The following NPHP4 variants were observed in gnomAD, a reference collection of about 807,000 sequenced individuals.
NPHP4 encodes the protein nephrocystin 4.
A neutral mutation model predicts 155.8 loss-of-function variants in NPHP4; 151 were observed. That is an observed-to-expected ratio of 0.97 (90% CI 0.85 to 1.11). NPHP4 has a LOEUF of 1.11. Ranked by LOEUF, NPHP4 falls within the 50% of genes least tolerant of loss-of-function variation. The pLI is 0.00. For missense variants in NPHP4, 1,956 were observed against 1,925.7 expected, an observed-to-expected ratio of 1.02 and a Z score of -0.29; for synonymous variants, 845 against 816.8, an observed-to-expected ratio of 1.03 and a Z score of -0.59.
intron 4 of NPHP4, among the ~76,000 whole-genome samples, chr1:5,967,661 T>C (rs865969766): frequency 6.6e-6 from 1 of 152,196 alleles, no homozygotes; most frequent in South Asian, 2.1e-4. Flanking sequence ...AGACAACATC[T>C]GAGGAATTTC....
chr1:5,910,563 ACTTACGGGAC>A lies in NPHP4; in HGVS notation c.1442-1360_1442-1351del, dbSNP rs1645128924. 1.3e-5 allele frequency among the ~76,000 whole-genome samples: 2 copies of A among 152,292 alleles called. No individual in the cohort carries two copies. The highest frequency in any genetic ancestry group is 4.1e-4 in the South Asian group (2 of 4,826). ...CCTATGGCACAGAGCACAGGCCGGCACTTACGGGACCTACGGACCAAGCACACAGCACAGA... is the reference window on the plus strand; with the variant it reads ...CCTATGGCACAGAGCACAGGCCGGCACTACGGACCAAGCACACAGCACAGA... On this transcript the variant is annotated intron_variant, in intron 11 of 29. Coordinates refer to ENST00000378156, the MANE Select transcript of NPHP4 (RefSeq NM_015102.5). This position sits in a 1 kb window ranked among gnomAD's most constrained non-coding sequence, Gnocchi z 5.4.
At chr1:5,964,874 C>T (rs1013319096) in intron 5 of NPHP4, among the ~76,000 whole-genome samples, 1 of 140,748 alleles carries the variant, frequency 7.1e-6, no homozygotes, top group East Asian at 2.0e-4. Context: ...ATATATAACA[C>T]ACATATAAAT....
chr1:5,866,979 G>A (rs1363478676), intron 25 of NPHP4, 51 bp downstream of exon 25: 43 of 1,415,924 alleles, frequency 3.0e-5, no homozygotes, highest in East Asian at 1.6e-4. Context: ...CGACAGGGGC[G>A]CAGACTCACT....
At chr1:5,888,434 C>A in intron 17 of NPHP4, 2 of 1,108,150 alleles carry the variant, frequency 1.8e-6, no homozygotes, top group Non-Finnish European at 1.1e-6. Flanking sequence ...ACAAAAGTGC[C>A]TGTCTCTGGG....
chr1:5,968,711 G>A (rs899563923), intron 4 of NPHP4, among the ~76,000 whole-genome samples: 6 of 151,944 alleles, frequency 3.9e-5, no homozygotes, highest in Admixed American at 1.3e-4. Flanking sequence ...ACCATAAGAC[G>A]AGCAGTTAAA....
intron 10 of NPHP4, among the ~76,000 whole-genome samples, chr1:5,932,854 A>C (rs1187364265): frequency 1.3e-5 from 2 of 152,146 alleles, no homozygotes; most frequent in Non-Finnish European, 1.5e-5. Context: ...CAATGCTCCA[A>C]ACGTGCACGC....
At chr1:5,960,844 C>G (rs990536587) in intron 6 of NPHP4, among the ~76,000 whole-genome samples, 4 of 152,074 alleles carry the variant, frequency 2.6e-5, no homozygotes, top group Non-Finnish European at 4.4e-5. Context: ...AAAACCACAC[C>G]AAGACAGAGC....
intron 5 of NPHP4, among the ~76,000 whole-genome samples, chr1:5,965,313 T>C (rs1478565826): frequency 6.6e-6 from 1 of 152,082 alleles, no homozygotes; most frequent in African/African-American, 2.4e-5. Context: ...ACTGCAAGGA[T>C]GAGTGAAGGG....
intron 3 of NPHP4, among the ~76,000 whole-genome samples, chr1:5,975,901 G>A (rs1028239104): frequency 1.3e-5 from 2 of 152,192 alleles, no homozygotes; most frequent in Non-Finnish European, 2.9e-5. Context: ...CTACAGCCCA[G>A]AGAGTAGGGA....
rs368841727 is a variant in NPHP4 at position 5,877,969 on chromosome 1, CAG to C, written c.2612-673_2612-672del. 4.6e-5 allele frequency among the ~76,000 whole-genome samples: 7 copies of C among 152,382 alleles called. No homozygotes were observed. In the East Asian group the frequency reaches 1.2e-3, roughly 25 times the overall value. On this transcript the variant is annotated intron_variant, in intron 19 of 29. Coordinates refer to ENST00000378156, the MANE Select transcript of NPHP4 (RefSeq NM_015102.5). ...ATGGGCCAGGCCCTTCCTTCCGACA[CAG>C]AGCAGGGGCTTGGGGTGTCGGGCGG...
rs1014692314 is a variant in NPHP4, at chr1:5,967,312, C to T, written c.504G>A (p.Gln168=). 6.2e-7 allele frequency: 1 copy of T among 1,605,290 alleles called. No homozygotes were observed. The highest frequency in any genetic ancestry group is 2.2e-5 in the East Asian group (1 of 44,552). ...TCTGGCTCTTACGCTCTGCGGGGTC[C>T]TGGAGAAGCGGGTGCAGGAGGGCTC... ...TPRALLHPLL[Q]DPAEQNRHMT... The change falls in exon 5 of 30, where the codon CAG becomes CAA. Residue 168 remains glutamine (Q), a synonymous_variant. Transcript: ENST00000378156.
intron 9 of NPHP4, among the ~76,000 whole-genome samples, chr1:5,946,894 C>G (rs1647128952): frequency 6.6e-6 from 1 of 152,274 alleles, no homozygotes; most frequent in Non-Finnish European, 1.5e-5. Context: ...GCTCCAAGTC[C>G]TTCCCACATT....
rs550032295 is a variant in NPHP4, at chr1:5,934,611, C to G, written c.1120-1282G>C. Among the ~76,000 whole-genome samples, 19 of 152,344 alleles carry G rather than the reference C, an allele frequency of 1.2e-4. No homozygotes were observed. The South Asian group carries it at 3.7e-3, about 30-fold the overall frequency. On this transcript the variant is annotated intron_variant, in intron 9 of 29. Coordinates refer to ENST00000378156, the MANE Select transcript of NPHP4 (RefSeq NM_015102.5). The stretch of plus-strand genomic sequence containing the variant: ...AAAAGTAAAATGGGGTGGCTCCCCA[C>G]TGCTCCCAGTCCCGGGCTTGGCTAA...
chr1:5,877,311 C>A lies in NPHP4; in HGVS notation c.2612-13G>T. ...ACCACGTGTTTTCCTGCGAAAGGGT[C>A]AGAGCGCGAGTCAGGTAGACGTGCA... On this transcript the variant is annotated splice_polypyrimidine_tract_variant and intron_variant, in intron 19 of 29. Transcript: ENST00000378156. The A allele has an allele frequency of 1.3e-6, 2 of 1,577,726 alleles. No individual in the cohort carries two copies. The highest frequency in any genetic ancestry group is 1.1e-5 in the South Asian group (1 of 87,420).
chr1:5,917,190 C>A (rs1645518441), intron 11 of NPHP4, among the ~76,000 whole-genome samples: 1 of 151,832 alleles, frequency 6.6e-6, no homozygotes, highest in Non-Finnish European at 1.5e-5. Flanking sequence ...AACCCCCACA[C>A]CAAGAAGGGT....
chr1:5,891,994 C>T (rs2100937788), intron 16 of NPHP4, among the ~76,000 whole-genome samples: 1 of 152,326 alleles, frequency 6.6e-6, no homozygotes, highest in African/African-American at 2.4e-5. Flanking sequence ...GGAGCAAGGA[C>T]CCACTGCTCA....
chr1:5,933,398 A>G, intron 9 of NPHP4, 69 bp from the exon 10 acceptor site: 3 of 1,298,414 alleles, frequency 2.3e-6, no homozygotes, highest in Non-Finnish European at 3.3e-6. Context: ...GGAAATCAAC[A>G]GTGCTTTCAT....
intron 5 of NPHP4, among the ~76,000 whole-genome samples, chr1:5,962,386 C>T (rs1444446250): frequency 6.6e-6 from 1 of 152,066 alleles, no homozygotes; most frequent in Non-Finnish European, 1.5e-5. Flanking sequence ...CTCTCCCACC[C>T]ACTAATTCCC....
intron 12 of NPHP4, among the ~76,000 whole-genome samples, chr1:5,907,491 G>A (rs990931245): frequency 6.6e-5 from 10 of 152,248 alleles, no homozygotes; most frequent in African/African-American, 2.2e-4. Flanking sequence ...AAACAAGCAA[G>A]AAAGGAGAAA....
Sources: gnomAD v4.1 joint callset for allele counts (sites outside exome capture counted in the v4.1 genomes callset) on GRCh38, gnomAD v4.1.1 for gene constraint, Gnocchi (gnomAD v3.1) non-coding constraint, MANE v1.5 for transcripts, NCBI Gene and HGNC (gene_info 2026-07-23, HGNC 2026-07-21) for gene names.